The following BNC2 variants were observed in gnomAD, a reference collection of about 807,000 sequenced individuals.
BNC2 encodes basonuclin zinc finger protein 2, also known as zinc finger protein basonuclin-2.
In BNC2, 20 loss-of-function variants were observed where a neutral mutation model predicts 76.3. The observed-to-expected ratio is 0.26, with a 90% CI of 0.18 to 0.38. The LOEUF (loss-of-function observed/expected upper bound fraction) is 0.38. Among genes scored for constraint, BNC2 ranks in the 10% least tolerant of loss-of-function variants. BNC2 has a pLI of 1.00. For synonymous variants in BNC2, 582 were observed against 514.8 expected (o/e 1.13, Z -1.77); for missense variants, 1,382 against 1,399.8 (o/e 0.99, Z 0.20).
At chr9:16,621,319 A>AG (rs1820862691) in intron 3 of BNC2, among the ~76,000 whole-genome samples, 1 of 152,152 alleles carries the variant, frequency 6.6e-6, no homozygotes, top group Non-Finnish European at 1.5e-5. Context: ...GGAGAAACAG[A>AG]GGGAAACTTT....
At chr9:16,679,850 TTATA>T (rs1822770247) in intron 3 of BNC2, among the ~76,000 whole-genome samples, 1 of 152,238 alleles carries the variant, frequency 6.6e-6, no homozygotes, top group African/African-American at 2.4e-5. Context: ...CCTTGTTGTT[TTATA>T]AAAGGGCTCT....
At chr9:16,761,577 G>C (rs1057351948) in intron 1 of BNC2, among the ~76,000 whole-genome samples, 1 of 152,192 alleles carries the variant, frequency 6.6e-6, no homozygotes, top group Non-Finnish European at 1.5e-5. Context: ...GGGAGAGGGA[G>C]TCAGAAAAGC....
rs1197020650 is a variant in BNC2 at position 16,416,795 on chromosome 9, CA to C, written c.*2193del. Reference sequence around the variant, plus strand: ...TCTATTGTTTCTGAAATTTTCACAACAAAAATACTGAATCCCCAACTAATGA... The same window carrying C: ...TCTATTGTTTCTGAAATTTTCACAACAAAATACTGAATCCCCAACTAATGA... On this transcript the variant is annotated 3_prime_UTR_variant, in exon 7 of 7. Coordinates refer to ENST00000380672, the MANE Select transcript of BNC2 (RefSeq NM_017637.6). 3 of 152,646 alleles carry C rather than the reference CA, an allele frequency of 2.0e-5. No homozygotes were observed. Among genetic ancestry groups the C allele is most frequent in the East Asian group, 1.9e-4 (1 of 5,180 alleles). The allele number at this position is 152,646 out of a possible 1,614,324, so 9.5% of individuals were successfully genotyped here.
rs1023448258 is a variant in BNC2 at position 16,418,057 on chromosome 9, A to T, written c.*932T>A. The T allele has an allele frequency of 2.0e-5, 3 of 152,662 alleles. No homozygotes were observed. The highest frequency in any genetic ancestry group is 4.4e-5 in the Non-Finnish European group (3 of 68,032). 9.5% of individuals were successfully genotyped at this position (152,662 alleles called of 1,614,324 possible). ...ATTTGTGCCCTATACTGACCAGACC[A>T]TTTTTATACAAGTGAATTTTTTTTA... On this transcript the variant is annotated 3_prime_UTR_variant, in exon 7 of 7. Transcript: ENST00000380672.
chr9:16,719,658 A>G (rs1413874401), intron 3 of BNC2, among the ~76,000 whole-genome samples: 5 of 152,216 alleles, frequency 3.3e-5, no homozygotes, highest in East Asian at 1.9e-4. Context: ...AGTCTTGTCA[A>G]TTTTAACAAT....
At chr9:16,714,020 G>C (rs1823928091) in intron 3 of BNC2, among the ~76,000 whole-genome samples, 1 of 152,170 alleles carries the variant, frequency 6.6e-6, no homozygotes, top group Non-Finnish European at 1.5e-5. Context: ...GTGGATGCTG[G>C]CCATGAGCCC....
intron 1 of BNC2, among the ~76,000 whole-genome samples, chr9:16,819,156 T>C (rs1000795258): frequency 3.9e-5 from 6 of 152,144 alleles, no homozygotes; most frequent in Admixed American, 1.3e-4. Context: ...ACAAAACCTA[T>C]AAGCTGTCTG....
intron 1 of BNC2, among the ~76,000 whole-genome samples, chr9:16,801,606 A>C: frequency 6.6e-6 from 1 of 152,072 alleles, no homozygotes; most frequent in East Asian, 1.9e-4. Flanking sequence ...TACTTAACCT[A>C]GAAGTTTCAA....
chr9:16,637,505 C>T (rs769385323), intron 3 of BNC2, among the ~76,000 whole-genome samples: 9 of 152,190 alleles, frequency 5.9e-5, no homozygotes, highest in Non-Finnish European at 8.8e-5. Flanking sequence ...CCCAAAATAA[C>T]CAGTGTGTGA....
chr9:16,782,792 T>C lies in BNC2; in HGVS notation c.4-44307A>G, dbSNP rs561570927. ...ACTCTGAAGGCCAGAAACGTCTACC[T>C]TTTGTTCACTACTATATCCACTATC... On this transcript the variant is annotated intron_variant, in intron 1 of 6. Transcript: ENST00000380672. 7.3e-4 allele frequency among the ~76,000 whole-genome samples: 111 copies of C among 152,304 alleles called. No individual in the cohort carries two copies. In the South Asian group the frequency reaches 0.022, roughly 30 times the overall value.
intron 5 of BNC2, among the ~76,000 whole-genome samples, chr9:16,446,701 T>A (rs1821238670): frequency 6.6e-6 from 1 of 152,156 alleles, no homozygotes; most frequent in South Asian, 2.1e-4. Flanking sequence ...ACGGACCAGA[T>A]AAGAATGTAT....
At chr9:16,785,093 A>G (rs1490607890) in intron 1 of BNC2, among the ~76,000 whole-genome samples, 1 of 152,270 alleles carries the variant, frequency 6.6e-6, no homozygotes, top group South Asian at 2.1e-4. Context: ...TTGGAAAGGG[A>G]ATGTGTTTGC....
At chr9:16,869,433 A>G (rs914855663) in intron 1 of BNC2, among the ~76,000 whole-genome samples, 10 of 150,506 alleles carry the variant, frequency 6.6e-5, no homozygotes, top group Non-Finnish European at 1.2e-4. Flanking sequence ...GTGTGTGTGT[A>G]CGCGCCCCTG....
intron 5 of BNC2, among the ~76,000 whole-genome samples, chr9:16,467,801 G>A (rs1821725898): frequency 7.0e-6 from 1 of 142,292 alleles, no homozygotes; most frequent in Non-Finnish European, 1.5e-5. Flanking sequence ...CCTGCACAAT[G>A]TGCACATGTA....
rs567189472 is a variant in BNC2, at chr9:16,557,486, G to C, written c.434-4721C>G. On this transcript the variant is annotated intron_variant, in intron 4 of 6. Coordinates refer to ENST00000380672, the MANE Select transcript of BNC2 (RefSeq NM_017637.6). Reference sequence around the variant, plus strand: ...TGCACTCTAGCCTGGGCGACAGAGTGAGACTCTGTCACAGGATTTAAAAAA... The same window carrying C: ...TGCACTCTAGCCTGGGCGACAGAGTCAGACTCTGTCACAGGATTTAAAAAA... 2.0e-5 allele frequency among the ~76,000 whole-genome samples: 3 copies of C among 151,286 alleles called. No individual in the cohort carries two copies. The South Asian group carries it at 6.3e-4, about 32-fold the overall frequency.
At chr9:16,664,630 T>A (rs28575837) in intron 3 of BNC2, among the ~76,000 whole-genome samples, 1 of 150,492 alleles carries the variant, frequency 6.6e-6, no homozygotes, top group Non-Finnish European at 1.5e-5. Context: ...AGGATGCTCA[T>A]CAATGACAGA....
chr9:16,509,755 C>T (rs1355255417), intron 5 of BNC2, among the ~76,000 whole-genome samples: 1 of 152,154 alleles, frequency 6.6e-6, no homozygotes. Context: ...GTATTACTTG[C>T]TATTTTAAAA....
At chr9:16,764,885 G>A (rs1356457138) in intron 1 of BNC2, among the ~76,000 whole-genome samples, 1 of 151,320 alleles carries the variant, frequency 6.6e-6, no homozygotes, top group East Asian at 1.9e-4. Flanking sequence ...AAATAAATGA[G>A]AGGGAGGGAA....
intron 5 of BNC2, among the ~76,000 whole-genome samples, chr9:16,489,684 T>G (rs1433125308): frequency 6.6e-6 from 1 of 152,204 alleles, no homozygotes; most frequent in East Asian, 1.9e-4. Context: ...GCCTTTCTCC[T>G]TCCCAAAGGC....
Sources: gnomAD v4.1 joint callset for allele counts (sites outside exome capture counted in the v4.1 genomes callset) on GRCh38, gnomAD v4.1.1 for gene constraint, MANE v1.5 for transcripts, NCBI Gene and HGNC (gene_info 2026-07-23, HGNC 2026-07-21) for gene names.